Variants in ASH1L observed in about 807,000 individuals in gnomAD.
ASH1L encodes ASH1 like histone lysine methyltransferase.
In ASH1L, 23 loss-of-function variants were observed where a neutral mutation model predicts 269.0. The observed-to-expected ratio is 0.09, with a 90% CI of 0.06 to 0.12. The LOEUF is 0.12. ASH1L is among the 10% of genes least tolerant of loss of function. ASH1L has a pLI of 1.00. For synonymous variants in ASH1L, 1,187 were observed against 1,253.5 expected (o/e 0.95, Z 1.12); for missense variants, 2,912 against 3,567.8 (o/e 0.82, Z 4.68).
intron 1 of ASH1L, among the ~76,000 whole-genome samples, chr1:155,560,137 T>C (rs1446968782): frequency 1.3e-5 from 2 of 152,164 alleles, no homozygotes; most frequent in African/African-American, 2.4e-5. Context: ...ACCCGAACAA[T>C]GAAAATGAAA....
chr1:155,447,310 C>T (rs1663111545), intron 4 of ASH1L, among the ~76,000 whole-genome samples: 1 of 152,146 alleles, frequency 6.6e-6, no homozygotes, highest in Non-Finnish European at 1.5e-5. Flanking sequence ...TCTACTTAGA[C>T]AATTAGGTGA....
At chr1:155,397,955 T>G (rs554265828) in intron 6 of ASH1L, among the ~76,000 whole-genome samples, 9 of 152,328 alleles carry the variant, frequency 5.9e-5, no homozygotes, top group Non-Finnish European at 1.3e-4. Context: ...CATAATTTAT[T>G]ATGATTAATA....
intron 1 of ASH1L, among the ~76,000 whole-genome samples, chr1:155,543,521 A>AG (rs2148893660): frequency 6.6e-6 from 1 of 151,840 alleles, no homozygotes; most frequent in African/African-American, 2.4e-5. Context: ...AAAAAAAAAA[A>AG]AAAAAAAAAA....
intron 20 of ASH1L, among the ~76,000 whole-genome samples, chr1:155,346,766 A>G (rs1395953255): frequency 6.6e-6 from 1 of 152,258 alleles, no homozygotes; most frequent in Non-Finnish European, 1.5e-5. Context: ...TAAGTAATTT[A>G]AGTAAATGCT....
intron 3 of ASH1L, among the ~76,000 whole-genome samples, chr1:155,464,965 T>A (rs1316717749): frequency 1.3e-5 from 2 of 152,136 alleles, no homozygotes; most frequent in Non-Finnish European, 2.9e-5. Context: ...AAAATCTTTA[T>A]AATAAACAGA....
Position 155,438,837 on chromosome 1 carries a change from T to A in ASH1L, c.5318A>T (p.Asp1773Val), listed in dbSNP as rs755073402. Residue 1773 changes from aspartate to valine, a missense_variant, in exon 5 of 28, where the codon GAC (aspartate) becomes GTC (valine). Asp to Val is a radical substitution (Grantham distance 152). This residue lies in a region of ASH1L where 789 missense variants were observed against 897.6 expected (regional missense o/e 0.88). Transcript: ENST00000392403. ...GAGTGAGATGCTATTATTGCAAGAG[T>A]CACTTGTGACTGCAGGCACTAAAAG... Reference protein sequence around the residue: ...DSLLVPAVTSDSCNNSISLLS... With the variant: ...DSLLVPAVTSVSCNNSISLLS... 3 of 1,614,028 alleles carry A rather than the reference T, an allele frequency of 1.9e-6. No individual in the cohort carries two copies. The African/African-American group carries it at 4.0e-5, about 22-fold the overall frequency.
intron 2 of ASH1L, among the ~76,000 whole-genome samples, chr1:155,497,483 T>G (rs1377815401): frequency 6.6e-6 from 1 of 152,218 alleles, no homozygotes; most frequent in Non-Finnish European, 1.5e-5. Flanking sequence ...AACTTCAACT[T>G]AACGAACAGT....
rs185736856 is a variant in ASH1L, at chr1:155,336,336, T to G, written c.*1324A>C. 38 of 49,224 alleles carry G rather than the reference T, an allele frequency of 7.7e-4. No individual in the cohort carries two copies. The highest frequency in any genetic ancestry group is 8.2e-3 in the Middle Eastern group (1 of 122). The allele number at this position is 49,224 out of a possible 1,614,324, so 3.0% of individuals were successfully genotyped here. ...TATTGCTTACCAATCACACAGCAGG[T>G]GTGTGTGTGTGTGTGTATATATATA... On this transcript the variant is annotated 3_prime_UTR_variant, in exon 28 of 28. Coordinates refer to ENST00000392403, the MANE Select transcript of ASH1L (RefSeq NM_018489.3).
chr1:155,490,760 T>C (rs1666719734), intron 2 of ASH1L, among the ~76,000 whole-genome samples: 3 of 151,880 alleles, frequency 2.0e-5, no homozygotes, highest in Admixed American at 2.0e-4. Flanking sequence ...AGTTTGAGAC[T>C]ACCCTGTGCA....
In ASH1L at chr1:155,543,509, C is replaced by CAAA. The variant is rs34813767; in HGVS notation, c.-100+18641_-100+18643dup. ...TGCATCACAGAGTGAGACTCTGTCT[C>CAAA]AAAAAAAAAAAAAAAAAAAAAAGAT... On this transcript the variant is annotated intron_variant, in intron 1 of 27. Coordinates refer to ENST00000392403, the MANE Select transcript of ASH1L (RefSeq NM_018489.3). Among the ~76,000 whole-genome samples, 142 of 56,620 alleles carry CAAA rather than the reference C, an allele frequency of 2.5e-3. 1 individual carries two copies. Among genetic ancestry groups the CAAA allele is most frequent in the East Asian group, 6.4e-3 (14 of 2,172 alleles). 37.1% of individuals were successfully genotyped at this position (56,620 alleles called of 152,430 possible). A position where few individuals can be genotyped will look rare whatever the true frequency, so the allele number is the denominator to read the frequency against.
intron 6 of ASH1L, among the ~76,000 whole-genome samples, chr1:155,415,370 A>C (rs1466359048): frequency 2.0e-5 from 3 of 147,552 alleles, no homozygotes; most frequent in Admixed American, 1.4e-4. Context: ...TGACAGGGCG[A>C]GACTCCGTCT....
intron 1 of ASH1L, among the ~76,000 whole-genome samples, chr1:155,534,096 GCCC>G (rs1669881468): frequency 6.7e-6 from 1 of 149,440 alleles, no homozygotes; most frequent in Non-Finnish European, 1.5e-5. Context: ...AGCTGCTTGA[GCCC>G]AGAAGGTCAA....
At chr1:155,474,665 C>T (rs1395377945) in intron 3 of ASH1L, among the ~76,000 whole-genome samples, 3 of 152,110 alleles carry the variant, frequency 2.0e-5, no homozygotes, top group Admixed American at 2.0e-4. Context: ...TGCCACTGCA[C>T]TCCAGCCTGG....
chr1:155,478,396 G>A lies in ASH1L; in HGVS notation c.4474C>T (p.His1492Tyr), dbSNP rs1665721434. The A allele has an allele frequency of 6.2e-7, 1 of 1,613,968 alleles. No individual in the cohort carries two copies. Among genetic ancestry groups the A allele is most frequent in the African/African-American group, 1.3e-5 (1 of 74,906 alleles). The change falls in exon 3 of 28, where the codon CAC (histidine) becomes TAC (tyrosine). Residue 1492 changes from histidine to tyrosine, a missense_variant. This residue lies in a region of ASH1L where 789 missense variants were observed against 897.6 expected (regional missense o/e 0.88). Coordinates refer to ENST00000392403, the MANE Select transcript of ASH1L (RefSeq NM_018489.3). This position sits in a 1 kb window ranked among gnomAD's most constrained non-coding sequence, Gnocchi z 4.6. ...KHRHRHKHRE[H>Y]RSSEQPQVSM... is the part of the protein sequence containing the mutation. Reference sequence around the variant, plus strand: ...ACCTGGGGTTGTTCAGAAGAACGGTGTTCTCTGTGTTTGTGACGGTGCCTG... The same window carrying A: ...ACCTGGGGTTGTTCAGAAGAACGGTATTCTCTGTGTTTGTGACGGTGCCTG...
chr1:155,466,280 G>A (rs1351577806), intron 3 of ASH1L, among the ~76,000 whole-genome samples: 1 of 152,064 alleles, frequency 6.6e-6, no homozygotes, highest in South Asian at 2.1e-4. Flanking sequence ...CATGAACCCG[G>A]GAGGCAGAGC....
At chr1:155,540,486 T>A (rs1484148165) in intron 1 of ASH1L, among the ~76,000 whole-genome samples, 6 of 152,108 alleles carry the variant, frequency 3.9e-5, no homozygotes, top group Non-Finnish European at 8.8e-5. Context: ...AAGCAAGCAC[T>A]CAGCTGGGTG....
chr1:155,408,772 TG>T (rs1659519719), intron 6 of ASH1L, among the ~76,000 whole-genome samples: 1 of 152,072 alleles, frequency 6.6e-6, no homozygotes, highest in Non-Finnish European at 1.5e-5. Flanking sequence ...CCTAGCACTT[TG>T]GGAGGCTGAG....
At chr1:155,465,746 T>C (rs1010757664) in intron 3 of ASH1L, among the ~76,000 whole-genome samples, 1 of 152,182 alleles carries the variant, frequency 6.6e-6, no homozygotes, top group South Asian at 2.1e-4. Context: ...TGAACCAAAA[T>C]TGGTTGTAAT....
intron 2 of ASH1L, among the ~76,000 whole-genome samples, chr1:155,486,666 T>G (rs993251856): frequency 6.6e-6 from 1 of 152,152 alleles, no homozygotes; most frequent in African/African-American, 2.4e-5. Context: ...AAATACACTA[T>G]GTATCCACAA....
Sources: gnomAD v4.1 joint callset for allele counts (sites outside exome capture counted in the v4.1 genomes callset) on GRCh38, gnomAD v4.1.1 for gene constraint, gnomAD v4.1.1 regional missense constraint, Gnocchi (gnomAD v3.1) non-coding constraint, MANE v1.5 for transcripts, NCBI Gene and HGNC (gene_info 2026-07-23, HGNC 2026-07-21) for gene names.